Variants in CD2AP observed in about 807,000 individuals in gnomAD.
CD2AP encodes CD2-associated protein.
In CD2AP, 46 loss-of-function variants were observed where a neutral mutation model predicts 85.1. The observed-to-expected ratio is 0.54, with a 90% CI of 0.43 to 0.69. The LOEUF (loss-of-function observed/expected upper bound fraction) is 0.69. Ranked by LOEUF, CD2AP falls within the 30% of genes least tolerant of loss-of-function variation. The pLI is 0.00. For missense variants in CD2AP, 769 were observed against 729.5 expected (o/e 1.05, Z -0.62); for synonymous variants, 255 against 252.9 (o/e 1.01, Z -0.08).
In CD2AP at chr6:47,574,050, AATT is replaced by A; in HGVS notation, c.542-10_542-8del. 6.2e-7 allele frequency: 1 copy of A among 1,613,014 alleles called. No individual in the cohort carries two copies. Among genetic ancestry groups the A allele is most frequent in the Non-Finnish European group, 8.5e-7 (1 of 1,179,042 alleles). On this transcript the variant is annotated splice_polypyrimidine_tract_variant and intron_variant, in intron 5 of 17. Transcript: ENST00000359314. ...TTCTAGGTGTCATTCTTCAAAAACA[AATT>A]ATTGTTTCAGAAACTGTTTTGGCTG...
At chr6:47,559,217 T>C (rs1273573870) in intron 5 of CD2AP, among the ~76,000 whole-genome samples, 1 of 152,062 alleles carries the variant, frequency 6.6e-6, no homozygotes, top group Non-Finnish European at 1.5e-5. Flanking sequence ...CTTCTCTCTT[T>C]TCTTTATTAG....
In CD2AP at chr6:47,535,192, A is replaced by G. The variant is rs539541276; in HGVS notation, c.319+1437A>G. Among the ~76,000 whole-genome samples, 7 of 152,332 alleles carry G rather than the reference A, an allele frequency of 4.6e-5. No homozygotes were observed. In the East Asian group the frequency reaches 1.3e-3, roughly 29 times the overall value. ...TGCTAAGAATGTAGGAGTTATTACT[A>G]TCCTGCTGTTCAAGGTCATTGCCAA... is the stretch of plus-strand genomic sequence containing the variant. On this transcript the variant is annotated intron_variant, in intron 3 of 17. Coordinates refer to ENST00000359314, the MANE Select transcript of CD2AP (RefSeq NM_012120.3).
intron 5 of CD2AP, among the ~76,000 whole-genome samples, chr6:47,570,975 A>T (rs1768133370): frequency 6.6e-6 from 1 of 152,104 alleles, no homozygotes; most frequent in Non-Finnish European, 1.5e-5. Flanking sequence ...ATATATTTTA[A>T]TGACTCTAAT....
At chr6:47,603,939 T>C (rs1769206473) in intron 13 of CD2AP, among the ~76,000 whole-genome samples, 1 of 152,096 alleles carries the variant, frequency 6.6e-6, no homozygotes, top group African/African-American at 2.4e-5. Context: ...TGTCTGTCTG[T>C]CTATTTATTC....
chr6:47,514,091 A>T, intron 2 of CD2AP, among the ~76,000 whole-genome samples: 1 of 152,174 alleles, frequency 6.6e-6, no homozygotes, highest in East Asian at 1.9e-4. Context: ...TATTTTAACC[A>T]ATAGACTTTT....
At chr6:47,559,471 A>T (rs1024256185) in intron 5 of CD2AP, among the ~76,000 whole-genome samples, 7 of 152,110 alleles carry the variant, frequency 4.6e-5, no homozygotes, top group African/African-American at 1.7e-4. Context: ...TATGTTGACC[A>T]GACAGGTTTT....
intron 13 of CD2AP, among the ~76,000 whole-genome samples, chr6:47,603,906 T>C (rs1310761784): frequency 2.0e-5 from 3 of 152,124 alleles, no homozygotes; most frequent in Non-Finnish European, 4.4e-5. Flanking sequence ...GATTTTTCTT[T>C]GTAATTTTAC....
chr6:47,602,070 C>A (rs1769154739), intron 13 of CD2AP, among the ~76,000 whole-genome samples: 1 of 151,872 alleles, frequency 6.6e-6, no homozygotes, highest in African/African-American at 2.4e-5. Context: ...TTGTTCTAAT[C>A]TATAAAGGAT....
At chr6:47,609,901 G>A (rs113501210) in intron 16 of CD2AP, among the ~76,000 whole-genome samples, 54 of 152,080 alleles carry the variant, frequency 3.6e-4, no homozygotes, top group African/African-American at 1.3e-3. Flanking sequence ...GAAAAATATC[G>A]TATTTTGGAT....
At chr6:47,556,845 T>C (rs1156867312) in intron 5 of CD2AP, among the ~76,000 whole-genome samples, 1 of 152,184 alleles carries the variant, frequency 6.6e-6, no homozygotes, top group Non-Finnish European at 1.5e-5. Flanking sequence ...TACCCAGTAA[T>C]AGGATTGCTG....
At chr6:47,518,734 T>C (rs2114003373) in intron 2 of CD2AP, among the ~76,000 whole-genome samples, 1 of 152,364 alleles carries the variant, frequency 6.6e-6, no homozygotes, top group Middle Eastern at 3.4e-3. Context: ...ATTTCACATT[T>C]CACATTTCCA....
intron 14 of CD2AP, among the ~76,000 whole-genome samples, chr6:47,606,635 A>AT (rs1288150090): frequency 1.4e-5 from 2 of 143,602 alleles, no homozygotes; most frequent in African/African-American, 5.0e-5. Flanking sequence ...CCCCTGAAAT[A>AT]TTCAGTGTTT....
chr6:47,606,326 A>G (rs774916936), intron 14 of CD2AP, 49 bp downstream of exon 14: 32 of 1,065,188 alleles, frequency 3.0e-5, no homozygotes, highest in Non-Finnish European at 4.7e-5. Flanking sequence ...GCAAATGCAG[A>G]GTCCATTGGA....
At chr6:47,535,125 A>G (rs1766997004) in intron 3 of CD2AP, among the ~76,000 whole-genome samples, 1 of 152,106 alleles carries the variant, frequency 6.6e-6, no homozygotes, top group African/African-American at 2.4e-5. Context: ...ACTATGGTCA[A>G]TTTGATTTAA....
At chr6:47,510,197 C>T (rs9369706) in intron 2 of CD2AP, among the ~76,000 whole-genome samples, 52,130 of 151,892 alleles carry the variant, frequency 0.34, 9,613 homozygotes, top group Middle Eastern at 0.53. Flanking sequence ...AAAACATGTA[C>T]AGGTAGATAC....
chr6:47,503,803 T>C (rs976549021), intron 2 of CD2AP, among the ~76,000 whole-genome samples: 2 of 152,250 alleles, frequency 1.3e-5, no homozygotes, highest in African/African-American at 4.8e-5. Flanking sequence ...GAAATAGTTA[T>C]GACAGATAGT....
At chr6:47,605,406 G>T (rs1375618552) in intron 13 of CD2AP, among the ~76,000 whole-genome samples, 1 of 151,984 alleles carries the variant, frequency 6.6e-6, no homozygotes, top group Admixed American at 6.6e-5. Context: ...CATTGTTGTA[G>T]AGTAGATTTG....
At chr6:47,527,160 G>A (rs1423710800) in intron 2 of CD2AP, among the ~76,000 whole-genome samples, 1 of 151,368 alleles carries the variant, frequency 6.6e-6, no homozygotes, top group East Asian at 1.9e-4. Context: ...AAGTTTTTTT[G>A]AACAGTTACA....
intron 1 of CD2AP, among the ~76,000 whole-genome samples, chr6:47,496,488 A>G (rs1236024164): frequency 1.3e-5 from 2 of 152,234 alleles, no homozygotes; most frequent in Non-Finnish European, 2.9e-5. Flanking sequence ...TCTAAGGGAA[A>G]TAAAATAGAT....
Sources: gnomAD v4.1 joint callset for allele counts (sites outside exome capture counted in the v4.1 genomes callset) on GRCh38, gnomAD v4.1.1 for gene constraint, MANE v1.5 for transcripts, NCBI Gene and HGNC (gene_info 2026-07-23, HGNC 2026-07-21) for gene names.